Variants in SLC5A12 observed in about 807,000 individuals in gnomAD.
SLC5A12 encodes the protein sodium-coupled monocarboxylate transporter 2.
A neutral mutation model predicts 72.7 loss-of-function variants in SLC5A12; 46 were observed. That is an observed-to-expected ratio of 0.63 (90% CI 0.50 to 0.81). The LOEUF is 0.81. Ranked by LOEUF, SLC5A12 falls within the 30% of genes least tolerant of loss-of-function variation. The pLI, the probability that SLC5A12 is intolerant of heterozygous loss-of-function variation, is 0.00. For synonymous variants in SLC5A12, 275 were observed against 264.4 expected, an observed-to-expected ratio of 1.04 and a Z score of -0.39; for missense variants, 683 against 740.7, an observed-to-expected ratio of 0.92 and a Z score of 0.90.
At chr11:26,719,922 G>A (rs1855439341) in intron 1 of SLC5A12, among the ~76,000 whole-genome samples, 1 of 152,056 alleles carries the variant, frequency 6.6e-6, no homozygotes, top group Non-Finnish European at 1.5e-5. Context: ...CTAGCTTTAT[G>A]TCACTTAGCA....
At chr11:26,703,110 C>T (rs1177329047) in intron 6 of SLC5A12, among the ~76,000 whole-genome samples, 1 of 152,098 alleles carries the variant, frequency 6.6e-6, no homozygotes, top group Non-Finnish European at 1.5e-5. Flanking sequence ...CAAATAAACT[C>T]TTTAAAAATT....
chr11:26,687,143 C>T (rs900098835), intron 9 of SLC5A12, among the ~76,000 whole-genome samples: 1 of 152,038 alleles, frequency 6.6e-6, no homozygotes, highest in Non-Finnish European at 1.5e-5. Context: ...TGGTGCTCTT[C>T]TGGTATCATG....
intron 4 of SLC5A12, among the ~76,000 whole-genome samples, chr11:26,707,437 A>G (rs1358932152): frequency 6.6e-6 from 1 of 152,008 alleles, no homozygotes; most frequent in East Asian, 1.9e-4. Flanking sequence ...CTGAGACTTC[A>G]ACTGGACATG....
chr11:26,690,114 C>A (rs551025608), intron 9 of SLC5A12, among the ~76,000 whole-genome samples: 11 of 152,230 alleles, frequency 7.2e-5, no homozygotes, highest in African/African-American at 2.6e-4. Flanking sequence ...ACAAAGATAT[C>A]AGTTATTCCC....
At chr11:26,683,501 T>C (rs375709108) in intron 11 of SLC5A12, among the ~76,000 whole-genome samples, 5 of 152,278 alleles carry the variant, frequency 3.3e-5, no homozygotes, top group African/African-American at 1.2e-4. Context: ...AGAGAAGACT[T>C]AATTTAACCT....
chr11:26,715,217 G>A (rs774289488), intron 1 of SLC5A12, among the ~76,000 whole-genome samples: 2 of 152,104 alleles, frequency 1.3e-5, no homozygotes, highest in Admixed American at 6.6e-5. Flanking sequence ...GTCTCTGAGG[G>A]TGCAACACCC....
rs1343408362 is a variant in SLC5A12 at position 26,681,006 on chromosome 11, C to G, written c.1475+49G>C. ...TCTGAAGAGTGCACCTCCCTCTTAC[C>G]AGGTGACCCACTCTCTGGGACTTAG... is the stretch of plus-strand genomic sequence containing the variant. On this transcript the variant is annotated intron_variant, in intron 12 of 14. Coordinates refer to ENST00000396005, the MANE Select transcript of SLC5A12 (RefSeq NM_178498.4). 3 of 1,470,400 alleles carry G rather than the reference C, an allele frequency of 2.0e-6. No homozygotes were observed. In the African/African-American group the frequency reaches 4.3e-5, roughly 21 times the overall value. The allele number at this position is 1,470,400 out of a possible 1,614,324, so 91.1% of individuals were successfully genotyped here. A position where few individuals can be genotyped will look rare whatever the true frequency, so the allele number is the denominator to read the frequency against.
intron 13 of SLC5A12, 136 bp downstream of exon 13, chr11:26,678,576 G>A (rs1289069652): frequency 1.6e-6 from 1 of 640,646 alleles, no homozygotes; most frequent in Admixed American, 2.6e-5. Flanking sequence ...TCAGCGTTGA[G>A]AGAGTAGACA....
intron 10 of SLC5A12, among the ~76,000 whole-genome samples, chr11:26,684,402 T>C (rs1173982948): frequency 6.6e-6 from 1 of 152,196 alleles, no homozygotes; most frequent in Non-Finnish European, 1.5e-5. Context: ...CTAGGGTTGC[T>C]GAATTTGAAA....
chr11:26,689,074 C>A (rs1223055181), intron 9 of SLC5A12, among the ~76,000 whole-genome samples: 1 of 142,392 alleles, frequency 7.0e-6, no homozygotes, highest in African/African-American at 2.6e-5. Context: ...AACTTTATGC[C>A]GTAAGAAGGA....
intron 1 of SLC5A12, among the ~76,000 whole-genome samples, chr11:26,715,133 T>C (rs192698714): frequency 4.1e-4 from 62 of 152,248 alleles, no homozygotes; most frequent in African/African-American, 1.5e-3. Flanking sequence ...GGATGTTGTA[T>C]GGATCAGATG....
At chr11:26,704,199 T>G (rs1237975308) in intron 4 of SLC5A12, among the ~76,000 whole-genome samples, 1 of 152,128 alleles carries the variant, frequency 6.6e-6, no homozygotes, top group African/African-American at 2.4e-5. Flanking sequence ...AGATAGTGAT[T>G]TACTTAAAAA....
intron 2 of SLC5A12, 67 bp from the exon 3 acceptor site, chr11:26,711,425 G>A: frequency 8.2e-7 from 1 of 1,214,864 alleles, no homozygotes; most frequent in East Asian, 2.4e-5. Flanking sequence ...TGCCTAGAAA[G>A]TTCTTTATCG....
At position 26,683,884 on chromosome 11, in the gene SLC5A12, G is replaced by C. The variant is rs970534896; in HGVS notation, c.1222-41C>G. 11 of 1,512,644 alleles carry C rather than the reference G, an allele frequency of 7.3e-6. No homozygotes were observed. The African/African-American group carries it at 1.5e-4, about 21-fold the overall frequency. The allele number at this position is 1,512,644 out of a possible 1,614,324, so 93.7% of individuals were successfully genotyped here. ...AGACCAGATGAATCCCCTACTCAAG[G>C]GCATCTGTGACTTCCTGGCATCATA... is the stretch of plus-strand genomic sequence containing the variant. On this transcript the variant is annotated intron_variant, in intron 10 of 14. Coordinates refer to ENST00000396005, the MANE Select transcript of SLC5A12 (RefSeq NM_178498.4).
intron 8 of SLC5A12, among the ~76,000 whole-genome samples, chr11:26,692,983 G>A (rs928315465): frequency 6.6e-6 from 1 of 152,182 alleles, no homozygotes; most frequent in Non-Finnish European, 1.5e-5. Flanking sequence ...CCAGGAATCA[G>A]TAGAGCCTGC....
At chr11:26,683,499 C>A (rs1297131295) in intron 11 of SLC5A12, among the ~76,000 whole-genome samples, 1 of 152,124 alleles carries the variant, frequency 6.6e-6, no homozygotes, top group Non-Finnish European at 1.5e-5. Context: ...TTAGAGAAGA[C>A]TTAATTTAAC....
chr11:26,678,930 T>A, intron 12 of SLC5A12, 115 bp from the exon 13 acceptor site: 1 of 542,538 alleles, frequency 1.8e-6, no homozygotes, highest in Admixed American at 3.6e-5. Flanking sequence ...AAATCATAAC[T>A]TTTTGTCATT....
Position 26,678,835 on chromosome 11 carries a change from T to C in SLC5A12, c.1476-20A>G. ...CCAGGTCTGTGGAGAACAGCACATGTCACCAATTCCATGCATCCTAAAGAC... is the reference window on the plus strand; with the variant it reads ...CCAGGTCTGTGGAGAACAGCACATGCCACCAATTCCATGCATCCTAAAGAC... On this transcript the variant is annotated intron_variant, in intron 12 of 14. Transcript: ENST00000396005. 1 of 1,550,434 alleles carries C rather than the reference T, an allele frequency of 6.4e-7. No individual in the cohort carries two copies. The highest frequency in any genetic ancestry group is 8.9e-7 in the Non-Finnish European group (1 of 1,126,796).
chr11:26,682,870 T>A (rs955402691), intron 11 of SLC5A12, among the ~76,000 whole-genome samples: 1 of 152,078 alleles, frequency 6.6e-6, no homozygotes, highest in Non-Finnish European at 1.5e-5. Context: ...GCTTGGGAAG[T>A]GCTGCAAAGA....
Sources: allele counts gnomAD v4.1 joint callset (sites outside exome capture counted in the v4.1 genomes callset), GRCh38; gene constraint gnomAD v4.1.1; transcripts MANE v1.5; gene names NCBI Gene and HGNC (gene_info 2026-07-23, HGNC 2026-07-21).